COL9A2: variants seen among roughly 807,000 people sequenced by gnomAD.
COL9A2 encodes the protein collagen alpha-2(IX) chain.
In COL9A2, 66 loss-of-function variants were observed where a neutral mutation model predicts 111.6. The observed-to-expected ratio is 0.59, with a 90% confidence interval of 0.48 to 0.73. The LOEUF is 0.73. Among genes scored for constraint, COL9A2 ranks in the 30% least tolerant of loss-of-function variants. The pLI, the probability that COL9A2 is intolerant of heterozygous loss-of-function variation, is 0.00. For synonymous variants in COL9A2, 353 were observed against 364.1 expected, an observed-to-expected ratio of 0.97 and a Z score of 0.35; for missense variants, 881 against 954.1, an observed-to-expected ratio of 0.92 and a Z score of 1.01.
chr1:40,310,253 G>C lies in COL9A2; in HGVS notation c.738+11C>G, dbSNP rs1644100691. The C allele has an allele frequency of 6.2e-7, 1 of 1,614,138 alleles. No individual in the cohort carries two copies. Among genetic ancestry groups the C allele is most frequent in the Non-Finnish European group, 8.5e-7 (1 of 1,180,006 alleles). On this transcript the variant is annotated intron_variant, in intron 14 of 31. Coordinates refer to ENST00000372748, the MANE Select transcript of COL9A2 (RefSeq NM_001852.4). This position sits in a 1 kb window ranked among gnomAD's most constrained non-coding sequence, Gnocchi z 4.9. ...TGGAAGCTCTTGTAGAACACCCCAA[G>C]ATTCACTTACCGTCTCTCCCTTGGG... is the stretch of plus-strand genomic sequence containing the variant.
intron 24 of COL9A2, 30 bp from the exon 25 acceptor site, chr1:40,304,129 C>T (rs1280246146): frequency 2.0e-6 from 3 of 1,535,604 alleles, no homozygotes; most frequent in Non-Finnish European, 8.8e-7. Context: ...AGGGGTTTGG[C>T]GAGCTCCCCC....
chr1:40,304,328 C>G lies in COL9A2; in HGVS notation c.1279G>C (p.Gly427Arg). 6.4e-7 allele frequency: 1 copy of G among 1,562,486 alleles called. No homozygotes were observed. Among genetic ancestry groups the G allele is most frequent in the East Asian group, 2.4e-5 (1 of 42,000 alleles). The part of the protein sequence containing the change: ...PGPQGLPGVK[G>R]DKGSPGKTGP... Reference sequence around the variant, plus strand: ...CCAGCCCCATCTGGCACCTTGTCTCCTTTGACGCCTGGCAAGCCTTGGGGC... The same window carrying G: ...CCAGCCCCATCTGGCACCTTGTCTCGTTTGACGCCTGGCAAGCCTTGGGGC... Residue 427 changes from glycine to arginine, a missense_variant, in exon 24 of 32, where the codon GGA becomes CGA. Gly to Arg is a moderately radical substitution (Grantham distance 125). Coordinates refer to ENST00000372748, the MANE Select transcript of COL9A2 (RefSeq NM_001852.4).
Position 40,310,229 on chromosome 1 carries a change from G to A in COL9A2, c.738+35C>T, listed in dbSNP as rs370992932. On this transcript the variant is annotated intron_variant, in intron 14 of 31. Transcript: ENST00000372748. This position sits in a 1 kb window ranked among gnomAD's most constrained non-coding sequence, Gnocchi z 4.9. ...CTCCAGGGGCCAGAAGGCAGCTCCT[G>A]GAAGCTCTTGTAGAACACCCCAAGA... is the stretch of plus-strand genomic sequence containing the variant. 43 of 1,614,004 alleles carry A rather than the reference G, an allele frequency of 2.7e-5. No individual in the cohort carries two copies. In the African/African-American group the frequency reaches 5.1e-4, roughly 19 times the overall value.
In COL9A2 at chr1:40,315,629, G is replaced by C; in HGVS notation, c.111C>G (p.Pro37=). 1 of 1,553,910 alleles carries C rather than the reference G, an allele frequency of 6.4e-7. No individual in the cohort carries two copies. The highest frequency in any genetic ancestry group is 1.2e-5 in the South Asian group (1 of 84,296). The change falls in exon 2 of 32, where the codon CCC becomes CCG. Residue 37 remains proline (P), a synonymous_variant. Transcript: ENST00000372748. The part of the protein sequence containing the change: ...GPPGERGPPG[P]PGPPGVPGSD... The stretch of plus-strand genomic sequence containing the variant: ...ATCCAGGCACTCCCGGCGGTCCCGG[G>C]GGACCCGGGGGGCCCCGCTCTCCCG...
rs1158609449 is a variant in COL9A2, at chr1:40,303,095, T to C, written c.1603+36A>G. 1.2e-6 allele frequency: 2 copies of C among 1,604,906 alleles called. No individual in the cohort carries two copies. The highest frequency in any genetic ancestry group is 1.7e-5 in the Admixed American group (1 of 59,104). ...AGGGGGTGAGGGGGCGGCGATGCCC[T>C]CGAACTGACTGTGAGGAGGGGTTGC... is the stretch of plus-strand genomic sequence containing the variant. On this transcript the variant is annotated intron_variant, in intron 29 of 31. Transcript: ENST00000372748. The surrounding 1 kb of genome is among the most constrained non-coding windows in gnomAD (Gnocchi z 4.6).
Position 40,311,357 on chromosome 1 carries a change from G to GCTCT in COL9A2, c.520-75_520-72dup. Reference sequence around the variant, plus strand: ...GCGCCCCCATCTCTCCAAGCCCCGTGCTCTCCTCCGCCTCACCTGGTGGAA... The same window carrying GCTCT: ...GCGCCCCCATCTCTCCAAGCCCCGTGCTCTCTCTCCTCCGCCTCACCTGGTGGAA... On this transcript the variant is annotated intron_variant, in intron 10 of 31. Transcript: ENST00000372748. The surrounding 1 kb of genome is among the most constrained non-coding windows in gnomAD (Gnocchi z 5.1). 6.3e-7 allele frequency: 1 copy of GCTCT among 1,580,174 alleles called. No individual in the cohort carries two copies. Among genetic ancestry groups the GCTCT allele is most frequent in the Non-Finnish European group, 8.6e-7 (1 of 1,158,684 alleles).
Position 40,312,849 on chromosome 1 carries a change from C to A in COL9A2, c.250-65G>T. On this transcript the variant is annotated intron_variant, in intron 4 of 31. Coordinates refer to ENST00000372748, the MANE Select transcript of COL9A2 (RefSeq NM_001852.4). This position sits in a 1 kb window ranked among gnomAD's most constrained non-coding sequence, Gnocchi z 6.0. ...CTGCTCCCTGACCCACAGAGCAGGGCAGGTTCAAGGGTCCCTCCTGGGTGG... is the reference window on the plus strand; with the variant it reads ...CTGCTCCCTGACCCACAGAGCAGGGAAGGTTCAAGGGTCCCTCCTGGGTGG... 6.8e-7 allele frequency: 1 copy of A among 1,463,224 alleles called. No homozygotes were observed. The highest frequency in any genetic ancestry group is 9.4e-7 in the Non-Finnish European group (1 of 1,068,766). The allele number at this position is 1,463,224 out of a possible 1,614,324, so 90.6% of individuals were successfully genotyped here.
At chr1:40,309,434 G>A (rs4660400) in intron 16 of COL9A2, among the ~76,000 whole-genome samples, 39,689 of 139,352 alleles carry the variant, frequency 0.28, 6,168 homozygotes, top group East Asian at 0.69. Context: ...TATTAATTGG[G>A]AAAAAAAAAA....
Position 40,304,477 on chromosome 1 carries a change from T to G in COL9A2, c.1214A>C (p.Gln405Pro). ...CCACCTTAGCTGGCCTGCACTCACCTGCCTTCCCTGAGGGCCTGGTTGCCC... is the reference window on the plus strand; with the variant it reads ...CCACCTTAGCTGGCCTGCACTCACCGGCCTTCCCTGAGGGCCTGGTTGCCC... ...PVGQPGPQGR[Q>P]GPKGEQGPPG... The change falls in exon 23 of 32, where the codon CAG becomes CCG. Residue 405 changes from glutamine to proline, a missense_variant and splice_region_variant. Coordinates refer to ENST00000372748, the MANE Select transcript of COL9A2 (RefSeq NM_001852.4). 2 of 1,614,172 alleles carry G rather than the reference T, an allele frequency of 1.2e-6. No homozygotes were observed. Among genetic ancestry groups the G allele is most frequent in the Middle Eastern group, 3.3e-4 (2 of 6,062 alleles).
Position 40,303,360 on chromosome 1 carries a change from C to T in COL9A2, c.1548+170G>A, listed in dbSNP as rs1643946124. On this transcript the variant is annotated intron_variant, in intron 28 of 31. Transcript: ENST00000372748. This position sits in a 1 kb window ranked among gnomAD's most constrained non-coding sequence, Gnocchi z 4.6. ...GCCAAGGGCTTACTTGGGAAGGTCG[C>T]GGGGTAATCCCTCAGGCTGCACTCA... Among the ~76,000 whole-genome samples, 1 of 152,092 alleles carries T rather than the reference C, an allele frequency of 6.6e-6. No homozygotes were observed. The highest frequency in any genetic ancestry group is 2.1e-4 in the South Asian group (1 of 4,826).
In COL9A2 at chr1:40,316,691, G is replaced by C. The variant is rs1359746059; in HGVS notation, c.75+432C>G. The C allele has an allele frequency of 2.3e-6, 1 of 429,100 alleles. No individual in the cohort carries two copies. Among genetic ancestry groups the C allele is most frequent in the African/African-American group, 2.2e-5 (1 of 46,026 alleles). The allele number at this position is 429,100 out of a possible 1,614,324, so 26.6% of individuals were successfully genotyped here. ...CCCCGGCGGCCCTCGGAAGGGAGAC[G>C]TGGGTAGGCGGGCAGGGCCGAGAGG... On this transcript the variant is annotated intron_variant, in intron 1 of 31. Transcript: ENST00000372748. This position sits in a 1 kb window ranked among gnomAD's most constrained non-coding sequence, Gnocchi z 5.5.
In COL9A2 at chr1:40,303,547, C is replaced by A; in HGVS notation, c.1531G>T (p.Gly511Trp). 1 of 1,612,168 alleles carries A rather than the reference C, an allele frequency of 6.2e-7. No individual in the cohort carries two copies. The highest frequency in any genetic ancestry group is 2.2e-5 in the East Asian group (1 of 44,796). The part of the protein sequence containing the change: ...AGNRGVPGQP[G>W]RQGVEGRDAT... ...CGACTCACCTCCACGCCCTGTCTCC[C>A]GGGCTGTCCTGGCACGCCTCGGTTC... Residue 511 changes from glycine to tryptophan, a missense_variant, in exon 28 of 32, where the codon GGG becomes TGG. Transcript: ENST00000372748. This position sits in a 1 kb window ranked among gnomAD's most constrained non-coding sequence, Gnocchi z 4.6.
Position 40,312,804 on chromosome 1 carries a change from T to G in COL9A2, c.250-20A>C. 6.5e-7 allele frequency: 1 copy of G among 1,549,474 alleles called. No individual in the cohort carries two copies. Among genetic ancestry groups the G allele is most frequent in the Non-Finnish European group, 8.7e-7 (1 of 1,146,102 alleles). The stretch of plus-strand genomic sequence containing the variant: ...TAAACCCTGGGGAAGAATGAAAATG[T>G]AGGATCAATGAGGGCCAACCTGCTC... On this transcript the variant is annotated intron_variant, in intron 4 of 31. Coordinates refer to ENST00000372748, the MANE Select transcript of COL9A2 (RefSeq NM_001852.4). This position sits in a 1 kb window ranked among gnomAD's most constrained non-coding sequence, Gnocchi z 6.0.
chr1:40,304,365 G>T lies in COL9A2; in HGVS notation c.1242C>A (p.Pro414=). The change falls in exon 24 of 32, where the codon CCC becomes CCA. Residue 414 remains proline, a synonymous_variant. Coordinates refer to ENST00000372748, the MANE Select transcript of COL9A2 (RefSeq NM_001852.4). The part of the protein sequence containing the change: ...RQGPKGEQGP[P]GIPGPQGLPG... ...GCAAGCCTTGGGGCCCTGGAATTCC[G>T]GGGGGGCCCTGCTCCCCCTTAGGGC... 6.3e-7 allele frequency: 1 copy of T among 1,583,410 alleles called. No homozygotes were observed. The highest frequency in any genetic ancestry group is 8.6e-7 in the Non-Finnish European group (1 of 1,163,878).
At chr1:40,304,196 G>GCCTTTCCAACTCTTT in intron 24 of COL9A2, 97 bp from the exon 25 acceptor site, 1 of 1,515,028 alleles carries the variant, frequency 6.6e-7, no homozygotes, top group Admixed American at 2.0e-5. Flanking sequence ...ACTCCGCCTC[G>GCCTTTCCAACTCTTT]CCGACCAGAC....
chr1:40,303,200 C>T lies in COL9A2; in HGVS notation c.1549-15G>A. 6.2e-7 allele frequency: 1 copy of T among 1,607,874 alleles called. No individual in the cohort carries two copies. On this transcript the variant is annotated splice_polypyrimidine_tract_variant and intron_variant, in intron 28 of 31. Transcript: ENST00000372748. The surrounding 1 kb of genome is among the most constrained non-coding windows in gnomAD (Gnocchi z 4.6). ...GCATCCCGGCCCTGAAAGCAGAGGC[C>T]TTTCAGGAAGAAGCCCCTGGCTACA... is the stretch of plus-strand genomic sequence containing the variant.
intron 4 of COL9A2, among the ~76,000 whole-genome samples, chr1:40,313,082 G>C (rs566344052): frequency 3.7e-4 from 56 of 152,272 alleles, no homozygotes; most frequent in African/African-American, 9.9e-4. Context: ...ACCTAGCCAT[G>C]GGTCAAGATT....
rs767484378 is a variant in COL9A2 at position 40,305,734 on chromosome 1, G to A, written c.1088C>T (p.Ser363Phe). 17 of 1,614,148 alleles carry A rather than the reference G, an allele frequency of 1.1e-5. No homozygotes were observed. Among genetic ancestry groups the A allele is most frequent in the Non-Finnish European group, 1.4e-5 (17 of 1,180,020 alleles). ...ATTTACCTCTTTCCCAGGGGGACCA[G>A]AGAATCCAGGAAGGCCCTGCGGGCC... The part of the protein sequence containing the change: ...EPGPQGLPGF[S>F]GPPGKEGEPG... Residue 363 changes from serine to phenylalanine, a missense_variant, in exon 21 of 32, where the codon TCT becomes TTT. Coordinates refer to ENST00000372748, the MANE Select transcript of COL9A2 (RefSeq NM_001852.4).
At position 40,307,286 on chromosome 1, in the gene COL9A2, A is replaced by T. The variant is rs1479689555; in HGVS notation, c.1008+160T>A. Among the ~76,000 whole-genome samples the T allele has an allele frequency of 3.3e-5, 5 of 152,256 alleles. No homozygotes were observed. The East Asian group carries it at 9.6e-4, about 29-fold the overall frequency. ...CTGGAATGGCCAAAGAGAAGGCTAG[A>T]GTAATTGTCCAAGTAATGAAGCCTT... On this transcript the variant is annotated intron_variant, in intron 19 of 31. Transcript: ENST00000372748. The surrounding 1 kb of genome is among the most constrained non-coding windows in gnomAD (Gnocchi z 4.8).
Sources: allele counts gnomAD v4.1 joint callset (sites outside exome capture counted in the v4.1 genomes callset), GRCh38; gene constraint gnomAD v4.1.1; non-coding constraint Gnocchi (gnomAD v3.1); transcripts MANE v1.5; gene names NCBI Gene and HGNC (gene_info 2026-07-23, HGNC 2026-07-21).